Variants in STPG2 observed in about 807,000 individuals in gnomAD.
The protein encoded by STPG2 is sperm tail PG-rich repeat containing 2, also known as sperm-tail PG-rich repeat-containing protein 2.
In STPG2, 56 loss-of-function variants were observed where a neutral mutation model predicts 54.2. The ratio of observed to expected loss-of-function variants is 1.03; its 90% confidence interval spans 0.83 to 1.29. The LOEUF (loss-of-function observed/expected upper bound fraction) is 1.29, where lower values mean the gene tolerates loss of function less well. Among genes scored for constraint, STPG2 ranks in the 50% most tolerant of loss-of-function variants. The probability of loss-of-function intolerance (pLI) is 0.00; values close to 1 mark genes in which losing one functional copy is unlikely to be tolerated. For synonymous variants in STPG2, 200 were observed against 181.8 expected (o/e 1.10, Z -0.81); for missense variants, 596 against 544.9 (o/e 1.09, Z -0.93).
intron 7 of STPG2, among the ~76,000 whole-genome samples, chr4:97,950,034 C>A (rs976638189): frequency 1.3e-5 from 2 of 152,092 alleles, no homozygotes; most frequent in African/African-American, 4.8e-5. Context: ...AAAACCTCCA[C>A]TGCATTTTGT....
intron 5 of STPG2, among the ~76,000 whole-genome samples, chr4:98,063,805 C>T (rs146498114): frequency 1.3e-3 from 190 of 151,986 alleles, no homozygotes; most frequent in African/African-American, 4.3e-3. Context: ...CTTGGGAGGC[C>T]GAGGTGGGAG....
intron 9 of STPG2, among the ~76,000 whole-genome samples, chr4:97,721,947 C>T (rs575761899): frequency 2.0e-5 from 3 of 152,008 alleles, no homozygotes; most frequent in South Asian, 4.1e-4. Flanking sequence ...AGGTCACAAC[C>T]TTTGACATGA....
rs193263030 is a variant in STPG2, at chr4:97,598,981, G to A, written c.1321-39864C>T. On this transcript the variant is annotated intron_variant, in intron 10 of 10. Transcript: ENST00000295268. ...AGCAAAAGATTTCAACAGACAACCT[G>A]CAGAATGGGAGAAAATATTTGCAAG... Among the ~76,000 whole-genome samples, 16 of 152,152 alleles carry A rather than the reference G, an allele frequency of 1.1e-4. No individual in the cohort carries two copies. The East Asian group carries it at 2.5e-3, about 24-fold the overall frequency.
At chr4:97,819,390 G>A (rs1728014368) in intron 9 of STPG2, among the ~76,000 whole-genome samples, 1 of 152,046 alleles carries the variant, frequency 6.6e-6, no homozygotes, top group African/African-American at 2.4e-5. Flanking sequence ...TTGAAAAAGT[G>A]AGCAAAACTA....
intron 5 of STPG2, among the ~76,000 whole-genome samples, chr4:98,035,347 A>G (rs2149303104): frequency 6.6e-6 from 1 of 152,366 alleles, no homozygotes; most frequent in South Asian, 2.1e-4. Context: ...CATAGGGAAA[A>G]AAAGCTCATT....
chr4:97,622,204 T>A (rs1180536561), intron 10 of STPG2, among the ~76,000 whole-genome samples: 1 of 152,166 alleles, frequency 6.6e-6, no homozygotes, highest in Non-Finnish European at 1.5e-5. Flanking sequence ...GCATTCCCCT[T>A]GAATACTGGA....
At chr4:97,626,005 C>T (rs1734128504) in intron 10 of STPG2, among the ~76,000 whole-genome samples, 2 of 152,122 alleles carry the variant, frequency 1.3e-5, no homozygotes, top group Non-Finnish European at 2.9e-5. Flanking sequence ...GCAAATTATC[C>T]ATAACTGCTG....
chr4:97,555,526 G>A (rs900219405), downstream of STPG2, among the ~76,000 whole-genome samples: 8 of 152,110 alleles, frequency 5.3e-5, no homozygotes, highest in African/African-American at 1.9e-4. Flanking sequence ...TAAGATTACT[G>A]TAGAAAGAAT....
rs1005079110 is a variant in STPG2, at chr4:97,657,540, A to C, written c.1320+55159T>G. Among the ~76,000 whole-genome samples the C allele has an allele frequency of 5.9e-5, 9 of 152,280 alleles. 1 individual carries two copies. Among genetic ancestry groups the C allele is most frequent in the Admixed American group, 5.9e-4 (9 of 15,284 alleles). On this transcript the variant is annotated intron_variant, in intron 10 of 10. Coordinates refer to ENST00000295268, the MANE Select transcript of STPG2 (RefSeq NM_174952.3). ...ATATTGGCCTCCACTTGTAATCCCC[A>C]CACAGGGGTGGGCCTGAAGATCCTA... is the stretch of plus-strand genomic sequence containing the variant.
intron 1 of STPG2, among the ~76,000 whole-genome samples, chr4:98,141,976 T>C (rs1190626703): frequency 7.1e-6 from 1 of 140,158 alleles, no homozygotes; most frequent in African/African-American, 2.8e-5. Flanking sequence ...GAGGAAATGA[T>C]GTTACATTTT....
intron 9 of STPG2, among the ~76,000 whole-genome samples, chr4:97,840,305 T>C (rs959000351): frequency 1.3e-5 from 2 of 151,610 alleles, no homozygotes; most frequent in Non-Finnish European, 3.0e-5. Context: ...TTTTCCCTAA[T>C]AGAATGCTGA....
At chr4:97,631,057 C>T (rs563066142) in intron 10 of STPG2, among the ~76,000 whole-genome samples, 3 of 152,010 alleles carry the variant, frequency 2.0e-5, no homozygotes, top group Admixed American at 6.5e-5. Flanking sequence ...AAGACACACA[C>T]ACACATTTAT....
At chr4:97,838,756 A>G (rs1047026267) in intron 9 of STPG2, among the ~76,000 whole-genome samples, 3 of 151,544 alleles carry the variant, frequency 2.0e-5, no homozygotes, top group Admixed American at 2.0e-4. Flanking sequence ...TAGCAGATTA[A>G]ATTTAAAAGG....
At chr4:97,644,802 T>C (rs1193560998) in intron 10 of STPG2, among the ~76,000 whole-genome samples, 1 of 152,038 alleles carries the variant, frequency 6.6e-6, no homozygotes, top group Non-Finnish European at 1.5e-5. Context: ...GTATTCTAGT[T>C]TTCTAAAGCC....
chr4:97,703,607 A>C (rs1578493351), intron 10 of STPG2, among the ~76,000 whole-genome samples: 1 of 23,512 alleles, frequency 4.3e-5, no homozygotes, highest in African/African-American at 2.6e-4. Context: ...TAAGTAGTGT[A>C]TAGTATATAT....
Position 97,769,371 on chromosome 4 carries a change from G to A in STPG2, c.1205-56557C>T, listed in dbSNP as rs561689632. Among the ~76,000 whole-genome samples the A allele has an allele frequency of 4.6e-5, 7 of 152,212 alleles. No individual in the cohort carries two copies. In the East Asian group the frequency reaches 1.4e-3, roughly 29 times the overall value. ...ACAGCCAGCTGATTCCCAGACATGT[G>A]AGCAAGCCCAGTCAAGATCAGTTGA... On this transcript the variant is annotated intron_variant, in intron 9 of 10. Transcript: ENST00000295268.
intron 9 of STPG2, among the ~76,000 whole-genome samples, chr4:97,824,941 G>A (rs1728206628): frequency 6.6e-6 from 1 of 152,100 alleles, no homozygotes; most frequent in Non-Finnish European, 1.5e-5. Flanking sequence ...TCCTTTCTCT[G>A]AGCATATCGG....
chr4:97,784,429 T>C (rs889412694), intron 9 of STPG2, among the ~76,000 whole-genome samples: 23 of 152,226 alleles, frequency 1.5e-4, no homozygotes, highest in African/African-American at 5.0e-4. Context: ...CTGAATATGG[T>C]GTTTATCTTG....
At chr4:97,738,100 C>A (rs1231945754) in intron 9 of STPG2, among the ~76,000 whole-genome samples, 1 of 152,140 alleles carries the variant, frequency 6.6e-6, no homozygotes, top group Non-Finnish European at 1.5e-5. Flanking sequence ...AATTTCATAT[C>A]CAGCCAAACT....
Sources: allele counts gnomAD v4.1 joint callset (sites outside exome capture counted in the v4.1 genomes callset), GRCh38; gene constraint gnomAD v4.1.1; transcripts MANE v1.5; gene names NCBI Gene and HGNC (gene_info 2026-07-23, HGNC 2026-07-21).